The following KAZN variants were observed in gnomAD, a reference collection of about 807,000 sequenced individuals.
KAZN encodes the protein kazrin.
Under a neutral mutation model 87.4 loss-of-function variants are expected in KAZN, and 40 were observed. The ratio of observed to expected loss-of-function variants is 0.46; its 90% CI spans 0.36 to 0.60. The LOEUF (loss-of-function observed/expected upper bound fraction) is 0.60, where lower values mean the gene tolerates loss of function less well. Among genes scored for constraint, KAZN ranks in the 20% least tolerant of loss-of-function variants. The pLI is 0.00. For missense variants in KAZN, 898 were observed against 1,073.9 expected (o/e 0.84, Z 2.29); for synonymous variants, 466 against 458.3 (o/e 1.02, Z -0.22).
chr1:14,281,139 G>A (rs182110495), intron 2 of KAZN, among the ~76,000 whole-genome samples: 101 of 152,242 alleles, frequency 6.6e-4, no homozygotes, highest in Admixed American at 3.9e-4. Context: ...ATGTCAAGAG[G>A]CCTCCCGTCT....
intron 1 of KAZN, among the ~76,000 whole-genome samples, chr1:14,625,583 G>C (rs1055662808): frequency 6.6e-6 from 1 of 152,054 alleles, no homozygotes; most frequent in Non-Finnish European, 1.5e-5. Context: ...GTTTAAGGGG[G>C]AAAAAAACTT....
At chr1:14,273,634 T>A (rs1016525388) in intron 2 of KAZN, among the ~76,000 whole-genome samples, 11 of 152,204 alleles carry the variant, frequency 7.2e-5, no homozygotes, top group South Asian at 2.1e-4. Context: ...AAAAATAATA[T>A]CCTGTGTTCC....
rs1641198401 is a variant in KAZN, at chr1:15,103,887, C to T, written c.1882-136C>T. The T allele has an allele frequency of 4.6e-6, 4 of 872,342 alleles. No individual in the cohort carries two copies. In the South Asian group the frequency reaches 5.5e-5, roughly 12 times the overall value. The allele number at this position is 872,342 out of a possible 1,614,324, so 54.0% of individuals were successfully genotyped here. ...TCTAAAAAATTGGGGAGGGGTTCCT[C>T]TTCACCGTCAAATTAACTGGTCCCC... On this transcript the variant is annotated intron_variant, in intron 12 of 14. Transcript: ENST00000376030.
rs35005409 is a variant in KAZN, at chr1:13,952,334, GATAATAATAATAATAATAATA to G, written c.91+58603_91+58623del. On this transcript the variant is annotated intron_variant, in intron 1 of 16. Coordinates refer to the KAZN transcript ENST00000636203. ...CTTGGAGTCTTAGGTATAAAATGGA[GATAATAATAATAATAATAATA>G]ATAATAATAATAATAATAATAATAT... Among the ~76,000 whole-genome samples, 369 of 143,076 alleles carry G rather than the reference GATAATAATAATAATAATAATA, an allele frequency of 2.6e-3. 1 individual carries two copies. The highest frequency in any genetic ancestry group is 7.3e-3 in the African/African-American group (282 of 38,768). The allele number at this position is 143,076 out of a possible 152,430, so 93.9% of individuals were successfully genotyped here. A position where few individuals can be genotyped will look rare whatever the true frequency, so the allele number is the denominator to read the frequency against.
intron 1 of KAZN, among the ~76,000 whole-genome samples, chr1:14,689,832 C>G (rs755631057): frequency 1.3e-5 from 2 of 152,164 alleles, no homozygotes; most frequent in Non-Finnish European, 2.9e-5. Flanking sequence ...GCAGGAGACC[C>G]GTGGAGACCA....
chr1:14,723,963 G>A (rs748703916), intron 1 of KAZN, among the ~76,000 whole-genome samples: 34 of 152,072 alleles, frequency 2.2e-4, no homozygotes, highest in Non-Finnish European at 3.8e-4. Context: ...CTGCAATGAC[G>A]TCCACCGAAT....
At chr1:14,691,789 G>C (rs904196979) in intron 1 of KAZN, among the ~76,000 whole-genome samples, 1 of 152,066 alleles carries the variant, frequency 6.6e-6, no homozygotes, top group African/African-American at 2.4e-5. Context: ...ACCTCGCCTG[G>C]CCTGTCTTCA....
chr1:15,007,164 C>T (rs770479839), intron 2 of KAZN, among the ~76,000 whole-genome samples: 2 of 152,016 alleles, frequency 1.3e-5, no homozygotes, highest in Non-Finnish European at 2.9e-5. Flanking sequence ...TTCAAGGGGC[C>T]AAGCCCCTGC....
intron 1 of KAZN, among the ~76,000 whole-genome samples, chr1:14,796,111 C>T (rs1645820422): frequency 1.3e-5 from 2 of 152,208 alleles, no homozygotes; most frequent in Non-Finnish European, 2.9e-5. Context: ...TTGGCCCCTC[C>T]AGTCGGACAT....
intron 2 of KAZN, among the ~76,000 whole-genome samples, chr1:14,234,506 A>T (rs1474097456): frequency 6.6e-6 from 1 of 152,200 alleles, no homozygotes; most frequent in Non-Finnish European, 1.5e-5. Context: ...ATACCTATGT[A>T]ACAAACCTGC....
intron 2 of KAZN, among the ~76,000 whole-genome samples, chr1:14,536,321 C>T (rs767313596): frequency 6.6e-6 from 1 of 152,204 alleles, no homozygotes; most frequent in Non-Finnish European, 1.5e-5. Flanking sequence ...GACAGCTGCT[C>T]ATGTGAATGT....
intron 7 of KAZN, among the ~76,000 whole-genome samples, chr1:15,064,839 C>T (rs1014248038): frequency 2.0e-5 from 3 of 152,194 alleles, no homozygotes; most frequent in Admixed American, 6.5e-5. Context: ...CCTGTGGCCT[C>T]GCATCGTGGA....
At position 15,054,218 on chromosome 1, in the gene KAZN, A is replaced by T. The variant is rs116898920; in HGVS notation, c.727-1873A>T. Among the ~76,000 whole-genome samples, 30 of 152,222 alleles carry T rather than the reference A, an allele frequency of 2.0e-4. No individual in the cohort carries two copies. In the East Asian group the frequency reaches 5.4e-3, roughly 27 times the overall value. Reference sequence around the variant, plus strand: ...TTTGTTGTTGTTAATCTGTGTTCACATGAGAGGCAAAGCCAGCACTCACAG... The same window carrying T: ...TTTGTTGTTGTTAATCTGTGTTCACTTGAGAGGCAAAGCCAGCACTCACAG... On this transcript the variant is annotated intron_variant, in intron 4 of 14. Transcript: ENST00000376030.
intron 2 of KAZN, among the ~76,000 whole-genome samples, chr1:14,197,548 C>A: frequency 6.6e-6 from 1 of 151,852 alleles, no homozygotes; most frequent in East Asian, 1.9e-4. Flanking sequence ...ATTAGCCAGG[C>A]GTGGTGGCAC....
At chr1:14,457,819 G>GTTTT (rs147082108) in intron 2 of KAZN, among the ~76,000 whole-genome samples, 2 of 136,936 alleles carry the variant, frequency 1.5e-5, no homozygotes, top group African/African-American at 3.0e-5. Flanking sequence ...GTTGTTTTTT[G>GTTTT]TTTTGTTTTT....
chr1:14,762,985 C>T (rs1309399661), intron 1 of KAZN, among the ~76,000 whole-genome samples: 1 of 152,208 alleles, frequency 6.6e-6, no homozygotes, highest in Non-Finnish European at 1.5e-5. Flanking sequence ...TTCTGTAATG[C>T]TTCATTCAAA....
At chr1:14,667,658 A>G (rs1639646649) in intron 1 of KAZN, among the ~76,000 whole-genome samples, 1 of 152,136 alleles carries the variant, frequency 6.6e-6, no homozygotes, top group African/African-American at 2.4e-5. Flanking sequence ...CAAACAGAGA[A>G]TTTGGGAAGG....
At chr1:14,267,377 A>T (rs1175889031) in intron 2 of KAZN, among the ~76,000 whole-genome samples, 2 of 151,714 alleles carry the variant, frequency 1.3e-5, no homozygotes, top group East Asian at 3.9e-4. Context: ...AAAAAAAAAA[A>T]AATCACAAAA....
At chr1:14,924,533 G>T in intron 1 of KAZN, 3 of 1,010,992 alleles carry the variant, frequency 3.0e-6, no homozygotes, top group Non-Finnish European at 3.5e-6. Context: ...CCGCGCCGGG[G>T]TTCCCCGGGT....
Sources: gnomAD v4.1 joint callset for allele counts (sites outside exome capture counted in the v4.1 genomes callset) on GRCh38, gnomAD v4.1.1 for gene constraint, MANE v1.5 for transcripts, NCBI Gene and HGNC (gene_info 2026-07-23, HGNC 2026-07-21) for gene names.